FRMPD4: variants seen among roughly 807,000 people sequenced by gnomAD.
The protein encoded by FRMPD4 is FERM and PDZ domain containing 4, also known as FERM and PDZ domain-containing protein 4.
FRMPD4 carries 22 observed loss-of-function variants against 94.1 expected under a neutral mutation model. The ratio of observed to expected loss-of-function variants is 0.23; its 90% confidence interval spans 0.17 to 0.33. The LOEUF (loss-of-function observed/expected upper bound fraction) is 0.33, where lower values mean the gene tolerates loss of function less well. Ranked by LOEUF, FRMPD4 falls within the 10% of genes least tolerant of loss-of-function variation. FRMPD4 has a pLI of 1.00. For missense variants in FRMPD4, 1,111 were observed against 1,339.9 expected (o/e 0.83, Z 2.67); for synonymous variants, 631 against 548.6 (o/e 1.15, Z -2.10).
intron 1 of FRMPD4, among the ~76,000 whole-genome samples, chrX:12,325,593 G>A (rs970261665): frequency 1.8e-5 from 2 of 112,464 alleles, no homozygotes; most frequent in African/African-American, 3.2e-5. Flanking sequence ...GTGGCTGTGT[G>A]CCAATAAAAC....
chrX:11,895,839 T>G (rs973051236), intron 3 of FRMPD4, among the ~76,000 whole-genome samples: 1 of 112,250 alleles, frequency 8.9e-6, no homozygotes, highest in African/African-American at 3.2e-5. Context: ...TGTAGCTGGG[T>G]CAATGTTCAT....
chrX:11,841,139 T>C (rs1018950533), intron 1 of FRMPD4, among the ~76,000 whole-genome samples: 2 of 109,348 alleles, frequency 1.8e-5, no homozygotes, highest in African/African-American at 6.7e-5. Context: ...CTTAATCCAG[T>C]CTATCATTGT....
chrX:12,034,330 G>T (rs756292402), intron 3 of FRMPD4, among the ~76,000 whole-genome samples: 3 of 111,811 alleles, frequency 2.7e-5, no homozygotes. Flanking sequence ...AGAGAGAGAT[G>T]ATTGTAAGCA....
At chrX:12,349,272 A>G (rs1440748682) in intron 1 of FRMPD4, among the ~76,000 whole-genome samples, 1 of 111,001 alleles carries the variant, frequency 9.0e-6, no homozygotes, top group African/African-American at 3.3e-5. Context: ...AATCTCCACA[A>G]ACATGCACAG....
In FRMPD4 at chrX:12,287,423, C is replaced by A. The variant is rs147499696; in HGVS notation, c.41+148411C>A. ...CAATTGGGAGCCTTGTCAGAATTTGCAGATTGACAGCAGCAGGAGGCATGG... is the reference window on the plus strand; with the variant it reads ...CAATTGGGAGCCTTGTCAGAATTTGAAGATTGACAGCAGCAGGAGGCATGG... On this transcript the variant is annotated intron_variant, in intron 1 of 16. Transcript: ENST00000675598. Among the ~76,000 whole-genome samples the A allele has an allele frequency of 1.5e-4, 17 of 111,823 alleles. No individual in the cohort carries two copies. In the East Asian group the frequency reaches 4.2e-3, roughly 28 times the overall value.
At chrX:12,385,451 A>G (rs889669574) in intron 1 of FRMPD4, among the ~76,000 whole-genome samples, 1 of 112,496 alleles carries the variant, frequency 8.9e-6, no homozygotes, top group Non-Finnish European at 1.9e-5. Flanking sequence ...CTGTGATCCC[A>G]CACTGCTGAG....
intron 1 of FRMPD4, among the ~76,000 whole-genome samples, chrX:12,324,288 A>G (rs1324507810): frequency 1.8e-5 from 2 of 112,333 alleles, no homozygotes; most frequent in African/African-American, 6.5e-5. Flanking sequence ...CACGCACTCT[A>G]AAATATGCTC....
At chrX:11,974,491 C>T (rs998529510) in intron 3 of FRMPD4, among the ~76,000 whole-genome samples, 2 of 111,807 alleles carry the variant, frequency 1.8e-5, no homozygotes, top group African/African-American at 3.3e-5. Context: ...CCACGTAAAC[C>T]TCTTTTCTTT....
chrX:12,341,958 A>G (rs2055621655), intron 1 of FRMPD4, among the ~76,000 whole-genome samples: 1 of 112,080 alleles, frequency 8.9e-6, no homozygotes, highest in East Asian at 2.8e-4. Context: ...GAAAGAAAGT[A>G]ATTTATTGCC....
intron 1 of FRMPD4, among the ~76,000 whole-genome samples, chrX:12,318,140 G>C (rs1024694526): frequency 1.1e-4 from 12 of 112,730 alleles, no homozygotes; most frequent in Non-Finnish European, 2.1e-4. Flanking sequence ...ATGAAATCTT[G>C]TCATTTGCAG....
intron 3 of FRMPD4, among the ~76,000 whole-genome samples, chrX:12,066,982 G>A (rs932614453): frequency 3.7e-5 from 4 of 108,659 alleles, no homozygotes; most frequent in African/African-American, 1.3e-4. Flanking sequence ...CTATTCTCCT[G>A]CCTCAGCCTC....
At chrX:12,301,792 A>G (rs1387007187) in intron 1 of FRMPD4, among the ~76,000 whole-genome samples, 1 of 112,316 alleles carries the variant, frequency 8.9e-6, no homozygotes, top group Admixed American at 9.4e-5. Flanking sequence ...AGTAAGTGCC[A>G]GATACCATGT....
chrX:12,529,371 A>G (rs5934013), intron 2 of FRMPD4, among the ~76,000 whole-genome samples: 44,522 of 111,226 alleles, frequency 0.4, 6,904 homozygotes, highest in Non-Finnish European at 0.5. Flanking sequence ...GAAAATCATA[A>G]TTTTTGCAAT....
At chrX:12,520,461 A>T (rs1376827224) in intron 2 of FRMPD4, among the ~76,000 whole-genome samples, 1 of 111,689 alleles carries the variant, frequency 9.0e-6, no homozygotes, top group East Asian at 2.8e-4. Context: ...AATGCACTTA[A>T]CACTCCTGAA....
At chrX:12,481,307 C>T (rs1377627017) in intron 1 of FRMPD4, among the ~76,000 whole-genome samples, 1 of 111,818 alleles carries the variant, frequency 8.9e-6, no homozygotes, top group Admixed American at 9.5e-5. Flanking sequence ...AGCTTTTCCC[C>T]TCCTAGTAAA....
intron 3 of FRMPD4, among the ~76,000 whole-genome samples, chrX:12,108,160 G>A (rs1489180558): frequency 9.0e-6 from 1 of 111,622 alleles, no homozygotes. Context: ...AAAATGTTAA[G>A]GGCAACCAGA....
At chrX:12,584,416 C>G (rs969370777) in intron 2 of FRMPD4, among the ~76,000 whole-genome samples, 1 of 111,577 alleles carries the variant, frequency 9.0e-6, no homozygotes, top group Non-Finnish European at 1.9e-5. Context: ...CACAAAACAA[C>G]TATGGGTTCT....
intron 9 of FRMPD4, among the ~76,000 whole-genome samples, chrX:12,696,586 C>CAAAAAAAAAAAAAAAAAAAAAAAAAA (rs57877846): frequency 6.7e-5 from 2 of 30,061 alleles, no homozygotes; most frequent in African/African-American, 1.1e-4. Flanking sequence ...AAAAATGAAG[C>CAAAAAAAAAAAAAAAAAAAAAAAAAA]AAAAAAAAAA....
At chrX:11,992,725 C>T (rs2054471927) in intron 3 of FRMPD4, among the ~76,000 whole-genome samples, 1 of 110,999 alleles carries the variant, frequency 9.0e-6, no homozygotes, top group Admixed American at 9.5e-5. Flanking sequence ...AAATTCAAGC[C>T]CCACTGGAGT....
Sources: gnomAD v4.1 joint callset for allele counts (sites outside exome capture counted in the v4.1 genomes callset) on GRCh38, gnomAD v4.1.1 for gene constraint, MANE v1.5 for transcripts, NCBI Gene and HGNC (gene_info 2026-07-23, HGNC 2026-07-21) for gene names.